The following ASIC2 variants were observed in gnomAD, a reference collection of about 807,000 sequenced individuals.
The protein encoded by ASIC2 is acid sensing ion channel subunit 2, also known as acid-sensing ion channel 2.
A neutral mutation model predicts 57.3 loss-of-function variants in ASIC2; 25 were observed. The ratio of observed to expected loss-of-function variants is 0.44; its 90% confidence interval spans 0.32 to 0.61. ASIC2 has a LOEUF of 0.61. Ranked by LOEUF, ASIC2 falls within the 20% of genes least tolerant of loss-of-function variation. The pLI, the probability that ASIC2 is intolerant of heterozygous loss-of-function variation, is 0.06. For missense variants in ASIC2, 641 were observed against 738.1 expected (o/e 0.87, Z 1.52); for synonymous variants, 319 against 307.5 (o/e 1.04, Z -0.39).
intron 1 of ASIC2, among the ~76,000 whole-genome samples, chr17:33,197,028 GC>G (rs1444611342): frequency 6.6e-6 from 1 of 152,186 alleles, no homozygotes; most frequent in Non-Finnish European, 1.5e-5. Flanking sequence ...CAGCAGCCTG[GC>G]TTTTTGTCTT....
intron 1 of ASIC2, among the ~76,000 whole-genome samples, chr17:33,723,684 A>C (rs1035855242): frequency 6.6e-6 from 1 of 152,224 alleles, no homozygotes; most frequent in Non-Finnish European, 1.5e-5. Flanking sequence ...CACAGAGATT[A>C]AAGTCAGAGT....
intron 1 of ASIC2, among the ~76,000 whole-genome samples, chr17:33,245,114 T>G (rs935341030): frequency 9.8e-5 from 15 of 152,340 alleles, no homozygotes; most frequent in Admixed American, 8.5e-4. Flanking sequence ...AACCATCACA[T>G]GCATTATAAA....
chr17:33,229,580 G>C (rs529397849), intron 1 of ASIC2, among the ~76,000 whole-genome samples: 15 of 152,332 alleles, frequency 9.8e-5, no homozygotes, highest in African/African-American at 3.1e-4. Flanking sequence ...AAAAGGGAGA[G>C]GGAAGATACA....
intron 1 of ASIC2, among the ~76,000 whole-genome samples, chr17:33,322,072 G>A (rs902027811): frequency 2.6e-5 from 4 of 152,196 alleles, no homozygotes; most frequent in African/African-American, 4.8e-5. Flanking sequence ...CATAACAGTG[G>A]TGGAACCGGT....
At chr17:33,682,961 T>A (rs1200633192) in intron 1 of ASIC2, among the ~76,000 whole-genome samples, 1 of 152,240 alleles carries the variant, frequency 6.6e-6, no homozygotes, top group Admixed American at 6.5e-5. Context: ...CATTGTATTC[T>A]TTTGCTAGGG....
Position 33,750,923 on chromosome 17 carries a change from A to G in ASIC2, c.555+405055T>C, listed in dbSNP as rs111611244. Among the ~76,000 whole-genome samples, 35 of 152,330 alleles carry G rather than the reference A, an allele frequency of 2.3e-4. 1 individual carries two copies. Among genetic ancestry groups the G allele is most frequent in the African/African-American group, 8.4e-4 (35 of 41,570 alleles). ...AAACACATTGGAGAGATCCCCAGGC[A>G]AGACTCAGGGAAATAAAGTAATAAT... On this transcript the variant is annotated intron_variant, in intron 1 of 9. Coordinates refer to the ASIC2 transcript ENST00000359872.
chr17:33,911,127 A>G (rs1220899182), intron 1 of ASIC2, among the ~76,000 whole-genome samples: 1 of 152,248 alleles, frequency 6.6e-6, no homozygotes, highest in Non-Finnish European at 1.5e-5. Flanking sequence ...TCACACTGCA[A>G]AAAGCCCTTT....
chr17:33,099,546 AT>A (rs1253585569), intron 2 of ASIC2, among the ~76,000 whole-genome samples: 1 of 152,214 alleles, frequency 6.6e-6, no homozygotes, highest in African/African-American at 2.4e-5. Context: ...CAAAATATGT[AT>A]TTGTGAAAGC....
At chr17:33,172,520 A>G (rs1009695779) in intron 1 of ASIC2, among the ~76,000 whole-genome samples, 1 of 152,156 alleles carries the variant, frequency 6.6e-6, no homozygotes, top group African/African-American at 2.4e-5. Flanking sequence ...CTTACCCCCT[A>G]GGAGACAAGA....
intron 1 of ASIC2, among the ~76,000 whole-genome samples, chr17:33,454,230 A>G (rs1912371054): frequency 6.6e-6 from 1 of 152,222 alleles, no homozygotes; most frequent in Non-Finnish European, 1.5e-5. Flanking sequence ...AAGAGACAGG[A>G]AGAGGCAGTG....
intron 1 of ASIC2, among the ~76,000 whole-genome samples, chr17:33,166,358 G>A (rs1195210866): frequency 6.6e-6 from 1 of 152,064 alleles, no homozygotes; most frequent in Non-Finnish European, 1.5e-5. Context: ...GCTCATTGTT[G>A]GGGGGAGAAA....
intron 1 of ASIC2, among the ~76,000 whole-genome samples, chr17:34,101,635 T>C (rs939254333): frequency 6.6e-6 from 1 of 152,204 alleles, no homozygotes; most frequent in African/African-American, 2.4e-5. Flanking sequence ...ACCACCAATC[T>C]CAAATCCGGT....
intron 1 of ASIC2, among the ~76,000 whole-genome samples, chr17:33,973,600 C>T (rs1421666084): frequency 6.6e-6 from 1 of 152,158 alleles, no homozygotes; most frequent in Non-Finnish European, 1.5e-5. Context: ...GCAGCTCTCT[C>T]TCTACTCTGG....
intron 1 of ASIC2, among the ~76,000 whole-genome samples, chr17:33,825,543 C>T (rs567207700): frequency 6.6e-6 from 1 of 152,352 alleles, no homozygotes; most frequent in East Asian, 1.9e-4. Flanking sequence ...TTCTAGCCTG[C>T]ACCTAATTCT....
chr17:33,452,646 A>C (rs1429386185), intron 1 of ASIC2, among the ~76,000 whole-genome samples: 1 of 152,032 alleles, frequency 6.6e-6, no homozygotes, highest in East Asian at 1.9e-4. Flanking sequence ...GATGCCATGC[A>C]CGACCTCTAT....
intron 1 of ASIC2, among the ~76,000 whole-genome samples, chr17:33,528,623 A>G (rs1433231505): frequency 6.6e-6 from 1 of 152,132 alleles, no homozygotes; most frequent in Non-Finnish European, 1.5e-5. Context: ...CCTTTAGAAT[A>G]TATCATCCCG....
chr17:34,062,736 G>A (rs574329072), intron 1 of ASIC2, among the ~76,000 whole-genome samples: 3 of 152,072 alleles, frequency 2.0e-5, no homozygotes, highest in Non-Finnish European at 4.4e-5. Flanking sequence ...AGGCTACTGT[G>A]AACACCTTTA....
At chr17:33,158,275 T>TTGAATGAATGAA (rs3082795) in intron 1 of ASIC2, among the ~76,000 whole-genome samples, 1 of 151,322 alleles carries the variant, frequency 6.6e-6, no homozygotes, top group Non-Finnish European at 1.5e-5. Flanking sequence ...TCAGCAATAC[T>TTGAATGAATGAA]TGAATGAATG....
intron 1 of ASIC2, among the ~76,000 whole-genome samples, chr17:33,503,746 C>A (rs955084580): frequency 5.9e-5 from 9 of 152,152 alleles, no homozygotes; most frequent in Non-Finnish European, 1.0e-4. Flanking sequence ...AGCTCTGCCA[C>A]CAAAGAACTC....
Sources: gnomAD v4.1 joint callset for allele counts (sites outside exome capture counted in the v4.1 genomes callset) on GRCh38, gnomAD v4.1.1 for gene constraint, MANE v1.5 for transcripts, NCBI Gene and HGNC (gene_info 2026-07-23, HGNC 2026-07-21) for gene names.